SORL1: variants seen among roughly 807,000 people sequenced by gnomAD.
The protein encoded by SORL1 is sortilin related receptor 1, also known as sortilin-related receptor.
A neutral mutation model predicts 273.7 loss-of-function variants in SORL1; 127 were observed. The ratio of observed to expected loss-of-function variants is 0.46; its 90% CI spans 0.40 to 0.54. The LOEUF (loss-of-function observed/expected upper bound fraction) is 0.54. SORL1 is among the 20% of genes least tolerant of loss of function. The pLI, the probability that SORL1 is intolerant of heterozygous loss-of-function variation, is 0.00. For missense variants in SORL1, 2,494 were observed against 2,846.1 expected, an observed-to-expected ratio of 0.88 and a Z score of 2.81; for synonymous variants, 1,031 against 1,067.4, an observed-to-expected ratio of 0.97 and a Z score of 0.66.
At chr11:121,541,723 A>T (rs956768381) in intron 12 of SORL1, among the ~76,000 whole-genome samples, 1 of 152,230 alleles carries the variant, frequency 6.6e-6, no homozygotes, top group Non-Finnish European at 1.5e-5. Flanking sequence ...GTGATTTCTC[A>T]TGTCAAGCGT....
chr11:121,575,549 A>C (rs1862916050), intron 24 of SORL1, among the ~76,000 whole-genome samples: 1 of 152,246 alleles, frequency 6.6e-6, no homozygotes, highest in African/African-American at 2.4e-5. Flanking sequence ...ACAGCAGCTG[A>C]AATAAGGGGA....
intron 23 of SORL1, among the ~76,000 whole-genome samples, chr11:121,572,767 T>C (rs1250661028): frequency 6.6e-6 from 1 of 152,088 alleles, no homozygotes; most frequent in Admixed American, 6.5e-5. Context: ...CTTACACAGA[T>C]TCCTCTAGCT....
At chr11:121,546,221 A>C (rs989434369) in intron 14 of SORL1, among the ~76,000 whole-genome samples, 2 of 152,198 alleles carry the variant, frequency 1.3e-5, no homozygotes, top group Non-Finnish European at 2.9e-5. Context: ...AAAAGATAGA[A>C]TACAGTAGGG....
At chr11:121,562,320 TA>T (rs1303308630) in intron 21 of SORL1, among the ~76,000 whole-genome samples, 1 of 152,220 alleles carries the variant, frequency 6.6e-6, no homozygotes, top group Non-Finnish European at 1.5e-5. Flanking sequence ...TGTCTCCTCC[TA>T]ACACATTCGG....
intron 1 of SORL1, among the ~76,000 whole-genome samples, chr11:121,466,077 TTC>T (rs989645703): frequency 2.0e-5 from 3 of 152,204 alleles, no homozygotes; most frequent in African/African-American, 4.8e-5. Flanking sequence ...CATGTAATTT[TTC>T]TCTGTTTGCC....
At chr11:121,544,262 G>T (rs745725368) in intron 13 of SORL1, among the ~76,000 whole-genome samples, 9 of 152,080 alleles carry the variant, frequency 5.9e-5, no homozygotes, top group Middle Eastern at 3.2e-3. Context: ...GATTCTAGCT[G>T]CCCGGAGTGC....
intron 5 of SORL1, among the ~76,000 whole-genome samples, chr11:121,490,922 A>G (rs1324686385): frequency 1.3e-5 from 2 of 152,210 alleles, no homozygotes; most frequent in Non-Finnish European, 2.9e-5. Flanking sequence ...AGAGGCACAG[A>G]GGTAACAGAC....
rs6589885 is a variant in SORL1, at chr11:121,555,333, G to A, written c.2571+15G>A. 0.021 allele frequency: 33,186 copies of A among 1,612,496 alleles called. 547 individuals carry two copies. The highest frequency in any genetic ancestry group is 0.094 in the East Asian group (4,198 of 44,792). ...AAAAGATTGAGGTATGTGTATTTTCGTGCTGTTCTTAATTAAGGGAGCAGG... is the reference window on the plus strand; with the variant it reads ...AAAAGATTGAGGTATGTGTATTTTCATGCTGTTCTTAATTAAGGGAGCAGG... On this transcript the variant is annotated intron_variant, in intron 18 of 47. Transcript: ENST00000260197.
At chr11:121,577,158 TG>T in intron 24 of SORL1, 122 bp from the exon 25 acceptor site, 2 of 1,314,928 alleles carry the variant, frequency 1.5e-6, no homozygotes, top group Non-Finnish European at 2.1e-6. Context: ...TCTTCGTTCA[TG>T]GTCTCTGTGG....
intron 32 of SORL1, among the ~76,000 whole-genome samples, chr11:121,600,519 A>G (rs541487597): frequency 1.3e-5 from 2 of 152,350 alleles, no homozygotes; most frequent in African/African-American, 4.8e-5. Flanking sequence ...TAAGATGAAC[A>G]TTGGAGATAA....
Position 121,563,706 on chromosome 11 carries a change from T to C in SORL1, c.3050-3234T>C, listed in dbSNP as rs1862711031. On this transcript the variant is annotated intron_variant, in intron 21 of 47. Coordinates refer to ENST00000260197, the MANE Select transcript of SORL1 (RefSeq NM_003105.6). The surrounding 1 kb of genome is among the most constrained non-coding windows in gnomAD (Gnocchi z 4.2). ...GCCACTGTGTCTGGCCACTAGCTGGTTTTTAAATGGTATAACTGGAATTTA... is the reference window on the plus strand; with the variant it reads ...GCCACTGTGTCTGGCCACTAGCTGGCTTTTAAATGGTATAACTGGAATTTA... Among the ~76,000 whole-genome samples the C allele has an allele frequency of 6.6e-6, 1 of 152,184 alleles. No homozygotes were observed. Among genetic ancestry groups the C allele is most frequent in the Non-Finnish European group, 1.5e-5 (1 of 68,026 alleles).
chr11:121,513,760 T>G (rs1449840306), intron 7 of SORL1, among the ~76,000 whole-genome samples: 7 of 152,188 alleles, frequency 4.6e-5, no homozygotes, highest in Non-Finnish European at 1.5e-5. Flanking sequence ...CTTTGCTAGT[T>G]TCTATGGATT....
chr11:121,492,285 C>T (rs1298887789), intron 5 of SORL1, among the ~76,000 whole-genome samples: 9 of 152,120 alleles, frequency 5.9e-5, no homozygotes, highest in South Asian at 2.1e-4. Flanking sequence ...CGCTTGAACC[C>T]GGTAGGTGGA....
At position 121,605,570 on chromosome 11, in the gene SORL1, A is replaced by T. The variant is rs754139833; in HGVS notation, c.4947A>T (p.Gly1649=). Residue 1649 remains glycine, a splice_region_variant and synonymous_variant, in exon 35 of 48, where the codon GGA becomes GGT. Transcript: ENST00000260197. ...TTGTGACCCTGAGGACCCCAGAGGG[A>T]TGTAAGTGTTTCAGTTAATTTTTAT... is the stretch of plus-strand genomic sequence containing the variant. ...NDFVTLRTPE[G]LPDAPRNLQL... 6.2e-7 allele frequency: 1 copy of T among 1,610,530 alleles called. No individual in the cohort carries two copies. Among genetic ancestry groups the T allele is most frequent in the South Asian group, 1.1e-5 (1 of 90,878 alleles).
At chr11:121,482,119 G>A (rs1328894893) in intron 3 of SORL1, among the ~76,000 whole-genome samples, 1 of 152,214 alleles carries the variant, frequency 6.6e-6, no homozygotes, top group Non-Finnish European at 1.5e-5. Context: ...CAGAAGACAG[G>A]ACAGATGATG....
rs112498993 is a variant in SORL1 at position 121,578,423 on chromosome 11, G to A, written c.3580+1023G>A. On this transcript the variant is annotated intron_variant, in intron 25 of 47. Coordinates refer to ENST00000260197, the MANE Select transcript of SORL1 (RefSeq NM_003105.6). The stretch of plus-strand genomic sequence containing the variant: ...TATCCCAGCACTTCCTACACTGCCC[G>A]GCATCTGGCGGCTCAAAGCACGCCT... Among the ~76,000 whole-genome samples, 1,200 of 152,230 alleles carry A rather than the reference G, an allele frequency of 7.9e-3. 4 individuals carry two copies. Among genetic ancestry groups the A allele is most frequent in the Non-Finnish European group, 0.013 (869 of 68,010 alleles).
chr11:121,535,926 C>G (rs1862260463), intron 12 of SORL1, among the ~76,000 whole-genome samples: 1 of 152,174 alleles, frequency 6.6e-6, no homozygotes. Flanking sequence ...ATTCAGCCCG[C>G]TGCTCCTGTG....
At chr11:121,513,269 G>A (rs541451586) in intron 7 of SORL1, among the ~76,000 whole-genome samples, 165 bp downstream of exon 7, 3 of 152,234 alleles carry the variant, frequency 2.0e-5, no homozygotes, top group Non-Finnish European at 4.4e-5. Context: ...GTGGTCTGTG[G>A]TTCCCACTTC....
intron 3 of SORL1, among the ~76,000 whole-genome samples, chr11:121,485,947 T>C (rs1039571274): frequency 3.9e-5 from 6 of 152,326 alleles, no homozygotes; most frequent in Non-Finnish European, 8.8e-5. Context: ...CCACAAAATA[T>C]GTCCCTGGGA....
Sources: gnomAD v4.1 joint callset for allele counts (sites outside exome capture counted in the v4.1 genomes callset) on GRCh38, gnomAD v4.1.1 for gene constraint, Gnocchi (gnomAD v3.1) non-coding constraint, MANE v1.5 for transcripts, NCBI Gene and HGNC (gene_info 2026-07-23, HGNC 2026-07-21) for gene names.